The following FSTL4 variants were observed in gnomAD, a reference collection of about 807,000 sequenced individuals.
The protein encoded by FSTL4 is follistatin like 4, also known as follistatin-related protein 4.
Under a neutral mutation model 78.2 loss-of-function variants are expected in FSTL4, and 28 were observed. The observed-to-expected ratio is 0.36, with a 90% CI of 0.27 to 0.49. The LOEUF (loss-of-function observed/expected upper bound fraction) is 0.49, where lower values mean the gene tolerates loss of function less well. Ranked by LOEUF, FSTL4 falls within the 20% of genes least tolerant of loss-of-function variation. The probability of loss-of-function intolerance (pLI) is 0.98; values close to 1 mark genes in which losing one functional copy is unlikely to be tolerated. For missense variants in FSTL4, 922 were observed against 1,084.9 expected (o/e 0.85, Z 2.11); for synonymous variants, 422 against 440.5 (o/e 0.96, Z 0.53).
At chr5:133,517,488 C>CAG (rs1758887813) in intron 3 of FSTL4, among the ~76,000 whole-genome samples, 3 of 108,732 alleles carry the variant, frequency 2.8e-5, no homozygotes, top group Non-Finnish European at 3.7e-5. Flanking sequence ...ACCACACACA[C>CAG]ACACACACAC....
intron 3 of FSTL4, among the ~76,000 whole-genome samples, chr5:133,417,683 T>A (rs1427896225): frequency 6.6e-6 from 1 of 151,812 alleles, no homozygotes; most frequent in Non-Finnish European, 1.5e-5. Flanking sequence ...TTCAGCTGGG[T>A]GTGGTGGCTC....
the FSTL4 span, among the ~76,000 whole-genome samples, chr5:133,627,687 A>T: frequency 6.6e-6 from 1 of 152,178 alleles, no homozygotes; most frequent in Non-Finnish European, 1.5e-5. Flanking sequence ...TTTTTAATCC[A>T]TTCTGAAAAT....
At chr5:133,483,740 T>C (rs916152677) in intron 3 of FSTL4, among the ~76,000 whole-genome samples, 9 of 152,226 alleles carry the variant, frequency 5.9e-5, no homozygotes, top group South Asian at 2.1e-4. Flanking sequence ...CCAGGGCAGG[T>C]AGGGGCCTCT....
chr5:133,259,656 G>A (rs551765576), intron 6 of FSTL4, among the ~76,000 whole-genome samples: 2 of 151,882 alleles, frequency 1.3e-5, no homozygotes, highest in South Asian at 2.1e-4. Context: ...GGGTCACTCC[G>A]GCTGTTGTGC....
chr5:133,816,066 G>A, the FSTL4 span, among the ~76,000 whole-genome samples: 295 of 152,342 alleles, frequency 1.9e-3, 3 homozygotes, highest in Non-Finnish European at 3.6e-3. Context: ...AGGTTCCTTA[G>A]AGCCTTACAG....
intron 6 of FSTL4, among the ~76,000 whole-genome samples, chr5:133,267,591 G>A (rs1485243478): frequency 6.6e-6 from 1 of 152,106 alleles, no homozygotes; most frequent in Non-Finnish European, 1.5e-5. Context: ...AGTGCTCCTG[G>A]GGTGCCCTTG....
the FSTL4 span, among the ~76,000 whole-genome samples, chr5:133,773,873 A>G: frequency 1.3e-5 from 2 of 152,214 alleles, no homozygotes; most frequent in Non-Finnish European, 1.5e-5. Context: ...CCATTTGTAG[A>G]GAGCAAGAAC....
At chr5:133,369,778 ATTT>A (rs1755252270) in intron 4 of FSTL4, among the ~76,000 whole-genome samples, 1 of 152,138 alleles carries the variant, frequency 6.6e-6, no homozygotes, top group Admixed American at 6.5e-5. Context: ...GTGCCATTTG[ATTT>A]ACTGGGTGGG....
intron 2 of FSTL4, among the ~76,000 whole-genome samples, chr5:133,580,300 C>T (rs1352722845): frequency 6.6e-6 from 1 of 152,156 alleles, no homozygotes; most frequent in East Asian, 1.9e-4. Context: ...CTCCCCAAGA[C>T]CCTCAGCCCC....
chr5:133,408,514 G>A (rs1367867920), intron 3 of FSTL4, among the ~76,000 whole-genome samples: 2 of 151,334 alleles, frequency 1.3e-5, no homozygotes, highest in East Asian at 2.0e-4. Flanking sequence ...CAGAGGCCAC[G>A]CTGCTGTGGG....
At chr5:133,555,279 G>A (rs115128461) in intron 3 of FSTL4, among the ~76,000 whole-genome samples, 1,815 of 152,348 alleles carry the variant, frequency 0.012, 38 homozygotes, top group African/African-American at 0.041. Flanking sequence ...AAACAGGACT[G>A]AAAATTCTGT....
the FSTL4 span, among the ~76,000 whole-genome samples, chr5:133,624,936 C>T: frequency 1.3e-5 from 2 of 151,480 alleles, no homozygotes; most frequent in South Asian, 2.1e-4. Flanking sequence ...TTATTTAGAG[C>T]GTCTCTCATT....
chr5:133,784,736 G>GAA, the FSTL4 span, among the ~76,000 whole-genome samples: 3 of 137,810 alleles, frequency 2.2e-5, no homozygotes, highest in African/African-American at 8.0e-5. Flanking sequence ...ATTCCCTTAA[G>GAA]AAAAAAAAAA....
intron 3 of FSTL4, among the ~76,000 whole-genome samples, chr5:133,537,773 T>A (rs1759379104): frequency 6.7e-6 from 1 of 150,198 alleles, no homozygotes; most frequent in Non-Finnish European, 1.5e-5. Flanking sequence ...TGCTTATCAT[T>A]TCTCTCTCAC....
intron 4 of FSTL4, among the ~76,000 whole-genome samples, chr5:133,354,967 T>C (rs1754911268): frequency 6.6e-6 from 1 of 152,270 alleles, no homozygotes; most frequent in Non-Finnish European, 1.5e-5. Context: ...TGGTGGGCTC[T>C]GTCTACTGCT....
At chr5:133,369,330 C>T (rs1021496291) in intron 4 of FSTL4, among the ~76,000 whole-genome samples, 4 of 152,204 alleles carry the variant, frequency 2.6e-5, no homozygotes, top group Non-Finnish European at 5.9e-5. Context: ...GCAGCATGGG[C>T]GGTCCCTCTG....
chr5:133,677,623 G>C, the FSTL4 span, among the ~76,000 whole-genome samples: 1 of 152,184 alleles, frequency 6.6e-6, no homozygotes, highest in African/African-American at 2.4e-5. Context: ...AAGCAGCCTA[G>C]AAAGAAAATA....
At chr5:133,609,094 C>T (rs903244055) in intron 1 of FSTL4, among the ~76,000 whole-genome samples, 1 of 152,188 alleles carries the variant, frequency 6.6e-6, no homozygotes, top group Non-Finnish European at 1.5e-5. Context: ...GGTAACTTTA[C>T]CAGACTAGCC....
intron 4 of FSTL4, among the ~76,000 whole-genome samples, chr5:133,378,693 T>G (rs1161912635): frequency 2.0e-5 from 3 of 152,132 alleles, no homozygotes. Context: ...AGTTTTAGTA[T>G]GAATTTGAAG....
Sources: gnomAD v4.1 joint callset for allele counts (sites outside exome capture counted in the v4.1 genomes callset) on GRCh38, gnomAD v4.1.1 for gene constraint, MANE v1.5 for transcripts, NCBI Gene and HGNC (gene_info 2026-07-23, HGNC 2026-07-21) for gene names.